Variants in MAD1L1 observed in about 807,000 individuals in gnomAD.
MAD1L1 encodes mitotic arrest deficient 1 like 1, also known as mitotic spindle assembly checkpoint protein MAD1.
MAD1L1 carries 95 observed loss-of-function variants against 96.9 expected under a neutral mutation model. The observed-to-expected ratio is 0.98, with a 90% CI of 0.83 to 1.16. The LOEUF is 1.16. MAD1L1 is among the 50% of genes most tolerant of loss of function. The pLI, the probability that MAD1L1 is intolerant of heterozygous loss-of-function variation, is 0.00. For missense variants in MAD1L1, 1,007 were observed against 954.4 expected (o/e 1.06, Z -0.73); for synonymous variants, 473 against 396.6 (o/e 1.19, Z -2.29).
chr7:2,032,783 G>A (rs1783287459), intron 12 of MAD1L1, among the ~76,000 whole-genome samples: 2 of 152,176 alleles, frequency 1.3e-5, no homozygotes, highest in Admixed American at 6.5e-5. Context: ...GGGTGGCGCC[G>A]GCCTGCTCTC....
intron 14 of MAD1L1, among the ~76,000 whole-genome samples, chr7:1,993,775 G>A (rs1170641487): frequency 6.6e-6 from 1 of 152,212 alleles, no homozygotes; most frequent in African/African-American, 2.4e-5. Context: ...AAACTGAAAA[G>A]GCTGGGTCCT....
At chr7:1,957,502 G>T in intron 16 of MAD1L1, 127 bp downstream of exon 16, 2 of 913,766 alleles carry the variant, frequency 2.2e-6, no homozygotes, top group Admixed American at 2.2e-5. Flanking sequence ...ACATGGGAGG[G>T]AGGAGAGTTC....
At chr7:2,220,650 G>A (rs1793551956) in intron 5 of MAD1L1, among the ~76,000 whole-genome samples, 2 of 152,204 alleles carry the variant, frequency 1.3e-5, no homozygotes, top group Non-Finnish European at 1.5e-5. Context: ...CCCTGTCCCT[G>A]AGAACGTGCC....
intron 12 of MAD1L1, among the ~76,000 whole-genome samples, chr7:2,041,233 C>G (rs573050866): frequency 2.0e-5 from 3 of 152,344 alleles, no homozygotes; most frequent in South Asian, 4.1e-4. Flanking sequence ...TCCGAGCTGA[C>G]AACTGTGAAT....
intron 18 of MAD1L1, among the ~76,000 whole-genome samples, chr7:1,838,269 C>A (rs1357529578): frequency 1.3e-5 from 2 of 152,206 alleles, no homozygotes; most frequent in East Asian, 3.9e-4. Flanking sequence ...GGAGAACAGG[C>A]AGCTCCTTAC....
At chr7:1,914,029 A>G (rs1023452937) in intron 17 of MAD1L1, among the ~76,000 whole-genome samples, 6 of 149,840 alleles carry the variant, frequency 4.0e-5, no homozygotes, top group African/African-American at 1.2e-4. Flanking sequence ...CTCCCCCCCC[A>G]GCACGCCTGT....
chr7:2,007,591 T>C (rs968826249), intron 13 of MAD1L1, among the ~76,000 whole-genome samples: 3 of 152,226 alleles, frequency 2.0e-5, no homozygotes, highest in African/African-American at 7.2e-5. Flanking sequence ...GGAGAATCAC[T>C]TGAACCCGGC....
At chr7:2,204,766 T>G (rs1208438598) in intron 10 of MAD1L1, among the ~76,000 whole-genome samples, 1 of 152,242 alleles carries the variant, frequency 6.6e-6, no homozygotes, top group African/African-American at 2.4e-5. Flanking sequence ...CAAGTCTTCA[T>G]GAGACCACAT....
intron 18 of MAD1L1, among the ~76,000 whole-genome samples, chr7:1,869,382 C>T (rs1319039771): frequency 3.3e-5 from 5 of 152,068 alleles, no homozygotes; most frequent in Non-Finnish European, 1.5e-5. Flanking sequence ...CTCTCAAGGG[C>T]AAGAACCAAG....
chr7:2,025,610 C>T (rs1163440334), intron 12 of MAD1L1, among the ~76,000 whole-genome samples: 1 of 152,112 alleles, frequency 6.6e-6, no homozygotes, highest in Admixed American at 6.5e-5. Flanking sequence ...CAGGTTGCAA[C>T]ACAGGGGAAT....
chr7:1,903,653 G>A (rs534200933), intron 17 of MAD1L1, among the ~76,000 whole-genome samples: 2 of 146,434 alleles, frequency 1.4e-5, no homozygotes, highest in East Asian at 4.1e-4. Flanking sequence ...GTTCCAGGCA[G>A]TGAGGACGCA....
At position 2,209,758 on chromosome 7, in the gene MAD1L1, C is replaced by T. The variant is rs567020366; in HGVS notation, c.986+3454G>A. ...CGAAGGCAAGCAGACGCCAGCCCAC[C>T]CGGCACAGGCCCAGGGCACTCCCAG... On this transcript the variant is annotated intron_variant, in intron 10 of 18. Transcript: ENST00000265854. Among the ~76,000 whole-genome samples, 5 of 152,312 alleles carry T rather than the reference C, an allele frequency of 3.3e-5. No individual in the cohort carries two copies. The South Asian group carries it at 1.0e-3, about 32-fold the overall frequency.
intron 11 of MAD1L1, among the ~76,000 whole-genome samples, chr7:2,077,125 G>C (rs985907330): frequency 1.3e-5 from 2 of 151,860 alleles, no homozygotes; most frequent in Admixed American, 6.6e-5. Context: ...AGATGGTTAC[G>C]ACATGGTGAG....
intron 18 of MAD1L1, among the ~76,000 whole-genome samples, chr7:1,887,187 C>G (rs1002949181): frequency 3.9e-5 from 6 of 152,238 alleles, no homozygotes; most frequent in African/African-American, 1.4e-4. Context: ...CATGGGACGC[C>G]TGGGAGAGAC....
rs549097600 is a variant in MAD1L1, at chr7:1,956,234, C to T, written c.1596+1395G>A. ...TCACCTTCCCCAGGGCCACCCTGGA[C>T]GTCCCCCCACTAAGGGTGTAATCGC... On this transcript the variant is annotated intron_variant, in intron 16 of 18. Transcript: ENST00000265854. Among the ~76,000 whole-genome samples, 505 of 152,272 alleles carry T rather than the reference C, an allele frequency of 3.3e-3. 2 individuals are homozygous for T. Among genetic ancestry groups the T allele is most frequent in the African/African-American group, 0.012 (480 of 41,550 alleles).
At chr7:1,915,680 T>C (rs982131764) in intron 17 of MAD1L1, among the ~76,000 whole-genome samples, 2 of 152,192 alleles carry the variant, frequency 1.3e-5, no homozygotes, top group African/African-American at 2.4e-5. Flanking sequence ...TTGAGTGCTT[T>C]TCAAAAAGCA....
chr7:2,225,484 G>A lies in MAD1L1; in HGVS notation c.217C>T (p.Gln73Ter). ...HLIQVEREKMQMELSHKRARV... is the reference protein window; with the variant it reads ...HLIQVEREKM The stretch of plus-strand genomic sequence containing the variant: ...GCCCTCTTGTGACTCAGCTCCATCT[G>A]CATTTTCTCCCGCTCCACCTGGATG... The change falls in exon 4 of 19, where the codon CAG becomes TAG. Residue 73 changes from glutamine (Q) to a stop codon, truncating the protein, a stop_gained. Coordinates refer to ENST00000265854, the MANE Select transcript of MAD1L1 (RefSeq NM_001013836.2). LOFTEE classifies it high-confidence loss of function. 1 of 1,614,134 alleles carries A rather than the reference G, an allele frequency of 6.2e-7. No homozygotes were observed.
chr7:1,947,784 C>T (rs910925678), intron 16 of MAD1L1, among the ~76,000 whole-genome samples: 1 of 152,244 alleles, frequency 6.6e-6, no homozygotes, highest in Admixed American at 6.5e-5. Context: ...CCCTCAGCAG[C>T]GGCCTGACCT....
intron 10 of MAD1L1, among the ~76,000 whole-genome samples, chr7:2,192,125 T>C (rs1791754515): frequency 6.6e-6 from 1 of 151,808 alleles, no homozygotes; most frequent in African/African-American, 2.4e-5. Context: ...CCATGGGGTT[T>C]TTTGTTTTTT....
Sources: allele counts gnomAD v4.1 joint callset (sites outside exome capture counted in the v4.1 genomes callset), GRCh38; gene constraint gnomAD v4.1.1; transcripts MANE v1.5; gene names NCBI Gene and HGNC (gene_info 2026-07-23, HGNC 2026-07-21).